LRRC4C: variants seen among roughly 807,000 people sequenced by gnomAD.
LRRC4C encodes leucine-rich repeat-containing protein 4C.
LRRC4C carries 5 observed loss-of-function variants against 33.6 expected under a neutral mutation model. That is an observed-to-expected ratio of 0.15 (90% CI 0.08 to 0.31). LRRC4C has a LOEUF of 0.31. Ranked by LOEUF, LRRC4C falls within the 10% of genes least tolerant of loss-of-function variation. The probability of loss-of-function intolerance (pLI) is 1.00; values close to 1 mark genes in which losing one functional copy is unlikely to be tolerated. For synonymous variants in LRRC4C, 329 were observed against 302.0 expected (o/e 1.09, Z -0.93); for missense variants, 560 against 796.7 (o/e 0.70, Z 3.58).
At chr11:40,210,866 G>A (rs559216030) in intron 5 of LRRC4C, among the ~76,000 whole-genome samples, 4 of 152,238 alleles carry the variant, frequency 2.6e-5, no homozygotes, top group Admixed American at 2.6e-4. Context: ...TCCGCCTCCC[G>A]GGTTCAAGTG....
At chr11:41,368,542 C>A (rs1952627167) in intron 1 of LRRC4C, among the ~76,000 whole-genome samples, 1 of 152,202 alleles carries the variant, frequency 6.6e-6, no homozygotes, top group Admixed American at 6.5e-5. Flanking sequence ...GCCCAAGATT[C>A]TAAATAGCAC....
At chr11:41,047,287 A>G (rs1202489979) in intron 1 of LRRC4C, among the ~76,000 whole-genome samples, 1 of 152,166 alleles carries the variant, frequency 6.6e-6, no homozygotes, top group East Asian at 1.9e-4. Flanking sequence ...ATTCCAATCA[A>G]AACCACAAGA....
rs547132194 is a variant in LRRC4C at position 41,095,932 on chromosome 11, G to A, written c.-495-162209C>T. Among the ~76,000 whole-genome samples, 8 of 152,160 alleles carry A rather than the reference G, an allele frequency of 5.3e-5. No individual in the cohort carries two copies. In the South Asian group the frequency reaches 1.5e-3, roughly 28 times the overall value. On this transcript the variant is annotated intron_variant, in intron 1 of 6. Coordinates refer to ENST00000528697, the MANE Select transcript of LRRC4C (RefSeq NM_001258419.2). The stretch of plus-strand genomic sequence containing the variant: ...CCCAAACACACATATGTTAACTCCC[G>A]CTGTGCTAGAGTATTTCCTCCTGTA...
At chr11:40,375,889 A>G (rs1948641300) in intron 3 of LRRC4C, among the ~76,000 whole-genome samples, 1 of 152,178 alleles carries the variant, frequency 6.6e-6, no homozygotes, top group African/African-American at 2.4e-5. Context: ...ATATTTATCA[A>G]GTCACTTAAT....
intron 1 of LRRC4C, among the ~76,000 whole-genome samples, chr11:41,047,570 G>A (rs576822068): frequency 1.0e-3 from 154 of 152,146 alleles, no homozygotes; most frequent in Non-Finnish European, 1.7e-3. Context: ...GTACCTCAAA[G>A]AGAAATAATT....
At chr11:40,477,558 C>G (rs1011530606) in intron 3 of LRRC4C, among the ~76,000 whole-genome samples, 1 of 151,716 alleles carries the variant, frequency 6.6e-6, no homozygotes, top group African/African-American at 2.4e-5. Flanking sequence ...AAAAAAAAGT[C>G]TTCTAATTGC....
intron 3 of LRRC4C, among the ~76,000 whole-genome samples, chr11:40,533,814 G>C (rs545908886): frequency 6.6e-6 from 1 of 152,224 alleles, no homozygotes; most frequent in African/African-American, 2.4e-5. Flanking sequence ...GTAGACTTAA[G>C]TGAATCCTGG....
intron 1 of LRRC4C, among the ~76,000 whole-genome samples, chr11:41,102,376 T>C (rs1941242722): frequency 6.6e-6 from 1 of 152,094 alleles, no homozygotes; most frequent in Non-Finnish European, 1.5e-5. Flanking sequence ...CACAGATAAA[T>C]AATTTTTTGA....
intron 6 of LRRC4C, among the ~76,000 whole-genome samples, chr11:40,126,861 G>C (rs1231052888): frequency 6.6e-6 from 1 of 152,066 alleles, no homozygotes; most frequent in Non-Finnish European, 1.5e-5. Flanking sequence ...TCGGGAGGCT[G>C]AGGCAGGAGA....
chr11:40,561,514 G>A (rs113216627), intron 3 of LRRC4C, among the ~76,000 whole-genome samples: 1 of 144,414 alleles, frequency 6.9e-6, no homozygotes, highest in Admixed American at 7.3e-5. Context: ...CCAGGTTCAC[G>A]CTATTCTCCT....
At chr11:40,696,517 T>G (rs1445096377) in intron 2 of LRRC4C, among the ~76,000 whole-genome samples, 2 of 148,900 alleles carry the variant, frequency 1.3e-5, no homozygotes, top group African/African-American at 4.9e-5. Context: ...TCCCTGGAAG[T>G]GCCAGAGAGT....
intron 1 of LRRC4C, among the ~76,000 whole-genome samples, chr11:41,134,650 C>T (rs545806242): frequency 6.6e-6 from 1 of 150,400 alleles, no homozygotes; most frequent in Admixed American, 6.6e-5. Flanking sequence ...ATGCTCCTAC[C>T]CAAACCTCTA....
chr11:41,173,607 G>GA (rs1945070947), intron 1 of LRRC4C, among the ~76,000 whole-genome samples: 1 of 152,038 alleles, frequency 6.6e-6, no homozygotes, highest in Admixed American at 6.6e-5. Flanking sequence ...AATCCAAGTC[G>GA]AAAATCATTT....
intron 3 of LRRC4C, among the ~76,000 whole-genome samples, chr11:40,562,332 A>G (rs1214913752): frequency 6.6e-6 from 1 of 152,250 alleles, no homozygotes; most frequent in Non-Finnish European, 1.5e-5. Context: ...GGACACTAAT[A>G]TTATTCCCAA....
intron 1 of LRRC4C, among the ~76,000 whole-genome samples, chr11:41,383,741 C>A: frequency 6.6e-6 from 1 of 151,246 alleles, no homozygotes; most frequent in South Asian, 2.1e-4. Flanking sequence ...GAAATAAATA[C>A]AAACATTTAA....
chr11:41,316,885 G>A (rs977048911), intron 1 of LRRC4C, among the ~76,000 whole-genome samples: 19 of 152,184 alleles, frequency 1.2e-4, no homozygotes, highest in African/African-American at 4.6e-4. Flanking sequence ...CCACAAGGCT[G>A]GTTCCAAGAG....
At chr11:41,043,343 C>T (rs1267098967) in intron 1 of LRRC4C, among the ~76,000 whole-genome samples, 1 of 152,070 alleles carries the variant, frequency 6.6e-6, no homozygotes, top group African/African-American at 2.4e-5. Flanking sequence ...GTAAACAGCA[C>T]TTCCTTGTCC....
At chr11:40,865,152 T>C (rs1476315917) in intron 2 of LRRC4C, among the ~76,000 whole-genome samples, 1 of 152,076 alleles carries the variant, frequency 6.6e-6, no homozygotes, top group African/African-American at 2.4e-5. Context: ...TGGAGGACAG[T>C]ATGTTAAGTG....
chr11:41,436,370 C>A (rs947600474), intron 1 of LRRC4C, among the ~76,000 whole-genome samples: 1 of 152,110 alleles, frequency 6.6e-6, no homozygotes. Context: ...CATGTTATTT[C>A]TCAAGATATT....
Sources: allele counts gnomAD v4.1 joint callset (sites outside exome capture counted in the v4.1 genomes callset), GRCh38; gene constraint gnomAD v4.1.1; transcripts MANE v1.5; gene names NCBI Gene and HGNC (gene_info 2026-07-23, HGNC 2026-07-21).